SLC22A3: variants seen among roughly 807,000 people sequenced by gnomAD.
The protein encoded by SLC22A3 is solute carrier family 22 member 3, also known as EMT organic cation transporter 3.
SLC22A3 carries 51 observed loss-of-function variants against 59.1 expected under a neutral mutation model. The ratio of observed to expected loss-of-function variants is 0.86; its 90% CI spans 0.69 to 1.09. SLC22A3 has a LOEUF of 1.09. SLC22A3 is among the 50% of genes least tolerant of loss of function. SLC22A3 has a pLI of 0.00. For missense variants in SLC22A3, 711 were observed against 726.3 expected (o/e 0.98, Z 0.24); for synonymous variants, 325 against 292.0 (o/e 1.11, Z -1.15).
intron 1 of SLC22A3, among the ~76,000 whole-genome samples, chr6:160,385,056 T>TTTTCA (rs1419456329): frequency 1.3e-5 from 2 of 152,246 alleles, no homozygotes; most frequent in African/African-American, 4.8e-5. Context: ...GCAGTTATAA[T>TTTTCA]TTTCATCTCC....
intron 1 of SLC22A3, among the ~76,000 whole-genome samples, chr6:160,394,489 C>T (rs1275871343): frequency 6.6e-6 from 1 of 152,212 alleles, no homozygotes; most frequent in Admixed American, 6.5e-5. Flanking sequence ...CCCCCTGACT[C>T]TATGAGCAAG....
Position 160,451,018 on chromosome 6 carries a change from A to G in SLC22A3, c.1633A>G (p.Arg545Gly). The G allele has an allele frequency of 3.8e-6, 6 of 1,595,662 alleles. No homozygotes were observed. Among genetic ancestry groups the G allele is most frequent in the Non-Finnish European group, 5.1e-6 (6 of 1,169,274 alleles). The change falls in exon 11 of 11, where the codon AGG becomes GGG. Residue 545 changes from arginine to glycine, a missense_variant. Coordinates refer to ENST00000275300, the MANE Select transcript of SLC22A3 (RefSeq NM_021977.4). ...LGSPHSCKCG[R>G]NKKTPVSRSH... Reference sequence around the variant, plus strand: ...CAGTCCACATTCCTGTAAATGTGGCAGGAATAAGAAAACCCCAGTTTCCCG... The same window carrying G: ...CAGTCCACATTCCTGTAAATGTGGCGGGAATAAGAAAACCCCAGTTTCCCG...
intron 1 of SLC22A3, among the ~76,000 whole-genome samples, chr6:160,352,257 T>C (rs377503716): frequency 2.3e-3 from 345 of 152,388 alleles, no homozygotes; most frequent in African/African-American, 7.7e-3. Context: ...CATCCCTTTA[T>C]GGCCAGCTCC....
intron 1 of SLC22A3, among the ~76,000 whole-genome samples, chr6:160,361,902 G>A (rs9364552): frequency 6.6e-6 from 1 of 152,012 alleles, no homozygotes; most frequent in Admixed American, 6.6e-5. Context: ...GTGTGTCTGG[G>A]GAGCTTTCCC....
chr6:160,352,789 G>C (rs1784703364), intron 1 of SLC22A3, among the ~76,000 whole-genome samples: 1 of 152,118 alleles, frequency 6.6e-6, no homozygotes, highest in Admixed American at 6.6e-5. Context: ...CCTTTCTGTT[G>C]ATGACAAAAG....
intron 1 of SLC22A3, among the ~76,000 whole-genome samples, chr6:160,379,048 C>T (rs746766887): frequency 1.6e-4 from 24 of 152,166 alleles, no homozygotes; most frequent in Non-Finnish European, 3.4e-4. Flanking sequence ...TCAGGCAATC[C>T]TTGACATTTT....
At chr6:160,427,717 G>C (rs535237848) in intron 5 of SLC22A3, among the ~76,000 whole-genome samples, 14 of 152,324 alleles carry the variant, frequency 9.2e-5, no homozygotes, top group Non-Finnish European at 1.9e-4. Flanking sequence ...TAAAGCAGAG[G>C]ATTTGCTTGA....
chr6:160,360,170 A>G (rs188793860), intron 1 of SLC22A3, among the ~76,000 whole-genome samples: 140 of 152,334 alleles, frequency 9.2e-4, no homozygotes, highest in East Asian at 7.5e-3. Context: ...AAAGACACAT[A>G]CAAGCGGCCG....
Position 160,442,885 on chromosome 6 carries a change from G to C in SLC22A3, c.1397+16G>C, listed in dbSNP as rs1441883789. 2 of 1,575,306 alleles carry C rather than the reference G, an allele frequency of 1.3e-6. No homozygotes were observed. The highest frequency in any genetic ancestry group is 2.2e-5 in the East Asian group (1 of 44,632). ...CAACATTACGGTAATTCTAACAAAC[G>C]TTATAGTTTCTCCTAAGTAACTCTG... On this transcript the variant is annotated intron_variant, in intron 8 of 10. Transcript: ENST00000275300.
At chr6:160,431,214 T>C (rs528130179) in intron 5 of SLC22A3, among the ~76,000 whole-genome samples, 2 of 152,246 alleles carry the variant, frequency 1.3e-5, no homozygotes, top group Admixed American at 6.5e-5. Context: ...CCAGGCAAAA[T>C]TTAGTAACCC....
At chr6:160,357,048 C>T (rs182550652) in intron 1 of SLC22A3, among the ~76,000 whole-genome samples, 3 of 152,304 alleles carry the variant, frequency 2.0e-5, no homozygotes, top group Admixed American at 6.5e-5. Context: ...CCTTCCTTAA[C>T]ATCTGCTCTA....
chr6:160,428,380 G>A (rs1788039347), intron 5 of SLC22A3, among the ~76,000 whole-genome samples: 1 of 152,322 alleles, frequency 6.6e-6, no homozygotes, highest in South Asian at 2.1e-4. Context: ...CACCTGGGCT[G>A]CAGGTGACCA....
intron 1 of SLC22A3, among the ~76,000 whole-genome samples, chr6:160,383,603 C>T (rs1187014493): frequency 6.6e-6 from 1 of 151,754 alleles, no homozygotes; most frequent in Non-Finnish European, 1.5e-5. Context: ...AAATAAAACA[C>T]AATCAATACA....
In SLC22A3 at chr6:160,415,025, G is replaced by A. The variant is rs564997724; in HGVS notation, c.975+4179G>A. 6.6e-6 allele frequency among the ~76,000 whole-genome samples: 1 copy of A among 152,250 alleles called. No individual in the cohort carries two copies. The highest frequency in any genetic ancestry group is 2.4e-5 in the African/African-American group (1 of 41,536). Reference sequence around the variant, plus strand: ...TTCCAGTCTCATCTTGTAAGTTCCAGTCTCACACATGGAATCACCTATTTC... The same window carrying A: ...TTCCAGTCTCATCTTGTAAGTTCCAATCTCACACATGGAATCACCTATTTC... On this transcript the variant is annotated intron_variant, in intron 5 of 10. Coordinates refer to ENST00000275300, the MANE Select transcript of SLC22A3 (RefSeq NM_021977.4). This position sits in a 1 kb window ranked among gnomAD's most constrained non-coding sequence, Gnocchi z 4.1.
rs183771369 is a variant in SLC22A3, at chr6:160,366,579, C to A, written c.429+17731C>A. 5.3e-5 allele frequency among the ~76,000 whole-genome samples: 8 copies of A among 152,322 alleles called. No individual in the cohort carries two copies. In the East Asian group the frequency reaches 1.2e-3, roughly 22 times the overall value. ...CTTATCACAGCTCCACCAGGAAGTA[C>A]CCTAGTAGGGACTCTGTCTGAGGGC... On this transcript the variant is annotated intron_variant, in intron 1 of 10. Transcript: ENST00000275300.
chr6:160,450,326 C>A (rs1378536516), intron 10 of SLC22A3, among the ~76,000 whole-genome samples: 1 of 152,192 alleles, frequency 6.6e-6, no homozygotes, highest in Non-Finnish European at 1.5e-5. Context: ...ACTTGCACAT[C>A]CATTTATAGG....
At chr6:160,440,480 G>A (rs914635156) in intron 7 of SLC22A3, among the ~76,000 whole-genome samples, 7 of 152,104 alleles carry the variant, frequency 4.6e-5, no homozygotes, top group Admixed American at 1.3e-4. Context: ...ATCATCTCTA[G>A]TAGCTTGACC....
intron 5 of SLC22A3, among the ~76,000 whole-genome samples, chr6:160,432,759 C>G (rs555054606): frequency 1.5e-4 from 23 of 152,146 alleles, no homozygotes; most frequent in African/African-American, 5.6e-4. Context: ...TGAAATGATA[C>G]GGCATACTTT....
intron 1 of SLC22A3, among the ~76,000 whole-genome samples, chr6:160,377,282 C>T (rs544474852): frequency 1.4e-4 from 22 of 152,020 alleles, no homozygotes; most frequent in African/African-American, 3.9e-4. Flanking sequence ...GTCAGGAGTT[C>T]GAGACCAGCC....
Sources: allele counts gnomAD v4.1 joint callset (sites outside exome capture counted in the v4.1 genomes callset), GRCh38; gene constraint gnomAD v4.1.1; non-coding constraint Gnocchi (gnomAD v3.1); transcripts MANE v1.5; gene names NCBI Gene and HGNC (gene_info 2026-07-23, HGNC 2026-07-21).